The following CCDC9 variants were observed in gnomAD, a reference collection of about 807,000 sequenced individuals.
The protein encoded by CCDC9 is coiled-coil domain-containing protein 9.
CCDC9 carries 52 observed loss-of-function variants against 65.6 expected under a neutral mutation model. The observed-to-expected ratio is 0.79, with a 90% CI of 0.63 to 1.00. The LOEUF (loss-of-function observed/expected upper bound fraction) is 1.00, where lower values mean the gene tolerates loss of function less well. CCDC9 is among the 50% of genes least tolerant of loss of function. The probability of loss-of-function intolerance (pLI) is 0.00; values close to 1 mark genes in which losing one functional copy is unlikely to be tolerated. For missense variants in CCDC9, 834 were observed against 757.2 expected (o/e 1.10, Z -1.19); for synonymous variants, 332 against 280.3 (o/e 1.18, Z -1.84).
At chr19:47,272,848 C>T (rs1446899959), downstream of CCDC9, among the ~76,000 whole-genome samples, 2 of 152,200 alleles carry the variant, frequency 1.3e-5, no homozygotes, top group African/African-American at 4.8e-5. Flanking sequence ...CCAAGCCCCT[C>T]TCCACCTACA....
At chr19:47,275,360 A>AC, downstream of CCDC9, 1 of 1,532,900 alleles carries the variant, frequency 6.5e-7, no homozygotes, top group Non-Finnish European at 8.8e-7. Context: ...TCTCCCTTCC[A>AC]CCCCAACCCG....
chr19:47,272,041 G>C, downstream of CCDC9: 4 of 1,237,722 alleles, frequency 3.2e-6, no homozygotes, highest in Non-Finnish European at 4.0e-6. Flanking sequence ...GCGGGAAAGG[G>C]GGCTTGACTG....
chr19:47,275,257 G>A (rs2059151576), downstream of CCDC9: 2 of 1,539,054 alleles, frequency 1.3e-6, no homozygotes, highest in South Asian at 1.2e-5. Flanking sequence ...CCGCTGAGCC[G>A]CCGCCGCCGC....
chr19:47,274,692 A>C, downstream of CCDC9: 3 of 123,614 alleles, frequency 2.4e-5, no homozygotes, highest in Non-Finnish European at 2.6e-5. Flanking sequence ...GCGGGGCTGG[A>C]GCGAGGGGGG....
At chr19:47,266,284 C>T (rs994941420) in intron 7 of CCDC9, 31 of 272,718 alleles carry the variant, frequency 1.1e-4, no homozygotes, top group African/African-American at 4.4e-4. Flanking sequence ...CGTGAGCCAC[C>T]GCGCCCGGCG....
At chr19:47,257,512 G>C (rs2059018536) in intron 1 of CCDC9, 1 of 152,406 alleles carries the variant, frequency 6.6e-6, no homozygotes, top group Non-Finnish European at 1.5e-5. Flanking sequence ...CCAGGATGTC[G>C]GGGACGTGGC....
chr19:47,266,799 C>G lies in CCDC9; in HGVS notation c.902+7C>G, dbSNP rs1455068758. The G allele has an allele frequency of 1.3e-6, 2 of 1,596,782 alleles. No homozygotes were observed. Among genetic ancestry groups the G allele is most frequent in the African/African-American group, 2.7e-5 (2 of 74,638 alleles). On this transcript the variant is annotated splice_region_variant and intron_variant, in intron 8 of 11. Coordinates refer to ENST00000221922, the MANE Select transcript of CCDC9 (RefSeq NM_015603.3). ...CCGAGAAGACCGATGGGATGTGAGT[C>G]TCCTCCCCGCTCCTCTCCCCATGTG...
chr19:47,270,809 C>T, intron 10 of CCDC9, 121 bp downstream of exon 10: 1 of 1,204,208 alleles, frequency 8.3e-7, no homozygotes, highest in Non-Finnish European at 1.1e-6. Flanking sequence ...TTGGCCCTGT[C>T]TATCTCGCAG....
intron 4 of CCDC9, 35 bp downstream of exon 4, chr19:47,260,457 T>C (rs2059037533): frequency 6.2e-7 from 1 of 1,607,794 alleles, no homozygotes; most frequent in Non-Finnish European, 8.5e-7. Flanking sequence ...ACCCTGAGGA[T>C]GGGGAGGGGC....
intron 11 of CCDC9, 26 bp from the exon 12 acceptor site, chr19:47,271,248 G>A: frequency 1.2e-6 from 2 of 1,610,420 alleles, no homozygotes; most frequent in Non-Finnish European, 1.7e-6. Context: ...CCTGTGCCTT[G>A]CCCTGACTTG....
Position 47,271,169 on chromosome 19 carries a change from C to G in CCDC9, c.1173C>G (p.Pro391=). ...AGCCTACTTCCCCCGAGACTTCCCCCAAGGAGACACCCATGCAGGTGAGGC... is the reference window on the plus strand; with the variant it reads ...AGCCTACTTCCCCCGAGACTTCCCCGAAGGAGACACCCATGCAGGTGAGGC... ...TPQPTSPETS[P]KETPMQPPEI... is the part of the protein sequence containing the mutation. Residue 391 remains proline, a synonymous_variant, in exon 11 of 12, where the codon CCC becomes CCG. Transcript: ENST00000221922. 6.3e-7 allele frequency: 1 copy of G among 1,598,306 alleles called. No homozygotes were observed. Among genetic ancestry groups the G allele is most frequent in the Non-Finnish European group, 8.5e-7 (1 of 1,173,862 alleles).
intron 5 of CCDC9, 147 bp from the exon 6 acceptor site, chr19:47,264,456 G>C (rs2059066995): frequency 1.4e-6 from 1 of 725,152 alleles, no homozygotes; most frequent in East Asian, 2.7e-5. Flanking sequence ...GTTCACTGCT[G>C]ACCTGGAGCA....
In CCDC9 at chr19:47,258,358, C is replaced by T. The variant is rs375789072; in HGVS notation, c.-43C>T. On this transcript the variant is annotated 5_prime_UTR_variant, in exon 2 of 12. Coordinates refer to ENST00000221922, the MANE Select transcript of CCDC9 (RefSeq NM_015603.3). ...CCCTCAGTGCTGCGTCTAGATTCTG[C>T]AGGGGAGGTTTGCTGGGACCTTGGC... is the stretch of plus-strand genomic sequence containing the variant. 2 of 1,611,638 alleles carry T rather than the reference C, an allele frequency of 1.2e-6. No individual in the cohort carries two copies. The highest frequency in any genetic ancestry group is 1.7e-6 in the Non-Finnish European group (2 of 1,177,864).
chr19:47,258,197 G>A lies in CCDC9; in HGVS notation c.-71-133G>A, dbSNP rs2059023166. The stretch of plus-strand genomic sequence containing the variant: ...AGATGGAGGTGGCAGTTGAAAGGAG[G>A]GAGAGTGAGGGCTACAATTCTCTTG... On this transcript the variant is annotated intron_variant, in intron 1 of 11. Coordinates refer to ENST00000221922, the MANE Select transcript of CCDC9 (RefSeq NM_015603.3). 22 of 607,788 alleles carry A rather than the reference G, an allele frequency of 3.6e-5. No homozygotes were observed. The South Asian group carries it at 4.0e-4, about 11-fold the overall frequency. 37.6% of individuals were successfully genotyped at this position (607,788 alleles called of 1,614,324 possible).
At chr19:47,275,346 T>A (rs2059152778), downstream of CCDC9, 1 of 1,538,976 alleles carries the variant, frequency 6.5e-7, no homozygotes. Context: ...AAGACCCGGG[T>A]AACTCTCCCT....
chr19:47,275,159 GGGCGTGCCGCCTGTCCC>G, downstream of CCDC9: 3 of 1,478,548 alleles, frequency 2.0e-6, no homozygotes, highest in Non-Finnish European at 2.7e-6. Flanking sequence ...CTGCCCGCCC[GGGCGTGCCGCCTGTCCC>G]GGCGCCCGCC....
downstream of CCDC9, chr19:47,273,704 C>T (rs1250292354): frequency 2.7e-6 from 1 of 377,092 alleles, no homozygotes; most frequent in Admixed American, 4.6e-5. Flanking sequence ...CCCTGGGCGG[C>T]TCGAGCCAGT....
chr19:47,260,597 C>G lies in CCDC9; in HGVS notation c.220C>G (p.Leu74Val), dbSNP rs766756796. The G allele has an allele frequency of 2.6e-6, 4 of 1,529,280 alleles. No individual in the cohort carries two copies. The African/African-American group carries it at 5.5e-5, about 21-fold the overall frequency. The allele number at this position is 1,529,280 out of a possible 1,614,324, so 94.7% of individuals were successfully genotyped here. A position where few individuals can be genotyped will look rare whatever the true frequency, so the allele number is the denominator to read the frequency against. Residue 74 changes from leucine to valine, a missense_variant, in exon 5 of 12, where the codon CTG (leucine) becomes GTG (valine). By Grantham distance (32) the Leu-to-Val change is conservative. Transcript: ENST00000221922. The part of the protein sequence containing the change: ...ENVAVESEKN[L>V]GPSRRSPGTP... ...ATCTCCCCTCTTCCAGGAGAAGAACCTGGGTCCTTCCCGGAGGTCTCCTGG... is the reference window on the plus strand; with the variant it reads ...ATCTCCCCTCTTCCAGGAGAAGAACGTGGGTCCTTCCCGGAGGTCTCCTGG...
At chr19:47,268,640 G>A (rs577753186) in intron 8 of CCDC9, among the ~76,000 whole-genome samples, 17 of 152,212 alleles carry the variant, frequency 1.1e-4, no homozygotes, top group Non-Finnish European at 2.2e-4. Flanking sequence ...TGTGTGGGCC[G>A]GGTGCAGTGG....
Sources: allele counts gnomAD v4.1 joint callset (sites outside exome capture counted in the v4.1 genomes callset), GRCh38; gene constraint gnomAD v4.1.1; transcripts MANE v1.5; gene names NCBI Gene and HGNC (gene_info 2026-07-23, HGNC 2026-07-21).